Variants in RASIP1 observed in about 807,000 individuals in gnomAD.
The protein encoded by RASIP1 is Ras interacting protein 1.
RASIP1 carries 20 observed loss-of-function variants against 85.3 expected under a neutral mutation model. The observed-to-expected ratio is 0.23, with a 90% CI of 0.17 to 0.34. RASIP1 has a LOEUF of 0.34. Ranked by LOEUF, RASIP1 falls within the 10% of genes least tolerant of loss-of-function variation. RASIP1 has a pLI of 1.00. For missense variants in RASIP1, 1,170 were observed against 1,390.9 expected, an observed-to-expected ratio of 0.84 and a Z score of 2.53; for synonymous variants, 617 against 647.1, an observed-to-expected ratio of 0.95 and a Z score of 0.71.
In RASIP1 at chr19:48,735,501, ACGC is replaced by A. The variant is rs764023794; in HGVS notation, c.871_873del (p.Ala291del). The A allele has an allele frequency of 6.4e-7, 1 of 1,554,072 alleles. No homozygotes were observed. The highest frequency in any genetic ancestry group is 8.7e-7 in the Non-Finnish European group (1 of 1,148,786). Reference sequence around the variant, plus strand: ...GGACTGGCCAGCGCTGCCCCACCCGACGCCGCCCGGGAGCGGTTCTTCTGTGGC... The same window carrying A: ...GGACTGGCCAGCGCTGCCCCACCCGACGCCCGGGAGCGGTTCTTCTGTGGC... On this transcript the variant is annotated inframe_deletion, in exon 4 of 12. Coordinates refer to ENST00000222145, the MANE Select transcript of RASIP1 (RefSeq NM_017805.3).
chr19:48,740,043 A>G lies in RASIP1; in HGVS notation c.137+103T>C, dbSNP rs1477310301. 1.2e-5 allele frequency: 17 copies of G among 1,409,516 alleles called. No homozygotes were observed. Among genetic ancestry groups the G allele is most frequent in the Non-Finnish European group, 1.5e-5 (16 of 1,068,864 alleles). 87.3% of individuals were successfully genotyped at this position (1,409,516 alleles called of 1,614,324 possible). ...GCCCACCAGCTCGTTTGCCCAATTCAGGATGAGGACCGGAGCCAACACTTT... is the reference window on the plus strand; with the variant it reads ...GCCCACCAGCTCGTTTGCCCAATTCGGGATGAGGACCGGAGCCAACACTTT... On this transcript the variant is annotated intron_variant, in intron 2 of 11. Coordinates refer to ENST00000222145, the MANE Select transcript of RASIP1 (RefSeq NM_017805.3). The surrounding 1 kb of genome is among the most constrained non-coding windows in gnomAD (Gnocchi z 5.5).
chr19:48,734,288 C>A (rs1265963005), intron 4 of RASIP1, among the ~76,000 whole-genome samples: 1 of 150,950 alleles, frequency 6.6e-6, no homozygotes, highest in Non-Finnish European at 1.5e-5. Flanking sequence ...GAGAGAGACT[C>A]CGACAAAAAA....
intron 5 of RASIP1, 97 bp from the exon 6 acceptor site, chr19:48,727,527 G>C (rs530104163): frequency 1.5e-5 from 19 of 1,309,290 alleles, no homozygotes; most frequent in Non-Finnish European, 2.1e-5. Flanking sequence ...CTCTCATAGA[G>C]ACTGGTCCTA....
chr19:48,739,562 G>T lies in RASIP1; in HGVS notation c.221C>A (p.Ala74Asp). The T allele has an allele frequency of 1.3e-6, 2 of 1,511,328 alleles. No individual in the cohort carries two copies. The highest frequency in any genetic ancestry group is 1.8e-6 in the Non-Finnish European group (2 of 1,133,808). 93.6% of individuals were successfully genotyped at this position (1,511,328 alleles called of 1,614,324 possible). ...GGAGGCTCCCCCGGCCGCCTTGACA[G>T]CGCCCACTCGCCGCAGCTCCACGTG... is the stretch of plus-strand genomic sequence containing the variant. ...PPHVELRRVG[A>D]VKAAGGASGS... is the part of the protein sequence containing the mutation. Residue 74 changes from alanine to aspartate, a missense_variant, in exon 3 of 12, where the codon GCT becomes GAT. Ala to Asp is a moderately radical substitution (Grantham distance 126, BLOSUM62 -2). Transcript: ENST00000222145. This position sits in a 1 kb window ranked among gnomAD's most constrained non-coding sequence, Gnocchi z 9.2.
Position 48,739,696 on chromosome 19 carries a change from C to T in RASIP1, c.138-51G>A, listed in dbSNP as rs1157964630. On this transcript the variant is annotated intron_variant, in intron 2 of 11. Transcript: ENST00000222145. The surrounding 1 kb of genome is among the most constrained non-coding windows in gnomAD (Gnocchi z 9.2). ...CGCGGGAGAGAGACCCAGGACGACA[C>T]GCCAAGACGGGGGTGGGGGCATATT... 4 of 1,351,326 alleles carry T rather than the reference C, an allele frequency of 3.0e-6. No homozygotes were observed. Among genetic ancestry groups the T allele is most frequent in the Non-Finnish European group, 3.8e-6 (4 of 1,052,788 alleles). The allele number at this position is 1,351,326 out of a possible 1,614,324, so 83.7% of individuals were successfully genotyped here.
Position 48,739,753 on chromosome 19 carries a change from G to A in RASIP1, c.138-108C>T. 1.1e-6 allele frequency: 1 copy of A among 902,740 alleles called. No homozygotes were observed. Among genetic ancestry groups the A allele is most frequent in the Non-Finnish European group, 1.4e-6 (1 of 720,024 alleles). The allele number at this position is 902,740 out of a possible 1,614,324, so 55.9% of individuals were successfully genotyped here. On this transcript the variant is annotated intron_variant, in intron 2 of 11. Transcript: ENST00000222145. This position sits in a 1 kb window ranked among gnomAD's most constrained non-coding sequence, Gnocchi z 9.2. ...GAAGTGGGCAGAGACCCAGAGGGAG[G>A]ACAGGGACCCAGGGTGGATGGACGG...
chr19:48,735,186 C>T lies in RASIP1; in HGVS notation c.1179+10G>A, dbSNP rs1428233419. 5 of 1,597,792 alleles carry T rather than the reference C, an allele frequency of 3.1e-6. No homozygotes were observed. The highest frequency in any genetic ancestry group is 1.7e-5 in the Admixed American group (1 of 59,266). ...GGGCTCTGGGCGTGCGGGGCTGGGG[C>T]GGCGGTTACCTGGGCGTCCTGGTAG... is the stretch of plus-strand genomic sequence containing the variant. On this transcript the variant is annotated intron_variant, in intron 4 of 11. Transcript: ENST00000222145.
At position 48,739,719 on chromosome 19, in the gene RASIP1, A is replaced by T; in HGVS notation, c.138-74T>A. The stretch of plus-strand genomic sequence containing the variant: ...CACGCCAAGACGGGGGTGGGGGCAT[A>T]TTAGGAGGGAAGTGGGCAGAGACCC... On this transcript the variant is annotated intron_variant, in intron 2 of 11. Transcript: ENST00000222145. This position sits in a 1 kb window ranked among gnomAD's most constrained non-coding sequence, Gnocchi z 9.2. 1 of 1,096,952 alleles carries T rather than the reference A, an allele frequency of 9.1e-7. No homozygotes were observed. 68.0% of individuals were successfully genotyped at this position (1,096,952 alleles called of 1,614,324 possible).
chr19:48,725,184 C>T (rs932626151), intron 8 of RASIP1: 24 of 529,312 alleles, frequency 4.5e-5, no homozygotes, highest in African/African-American at 4.4e-4. Flanking sequence ...CATTGTGGGA[C>T]TTGTAGTTCT....
Position 48,727,727 on chromosome 19 carries a change from C to T in RASIP1, c.1834-297G>A, listed in dbSNP as rs548721172. 2.9e-3 allele frequency among the ~76,000 whole-genome samples: 418 copies of T among 143,894 alleles called. 1 individual carries two copies. Among genetic ancestry groups the T allele is most frequent in the Non-Finnish European group, 4.8e-3 (323 of 66,690 alleles). The allele number at this position is 143,894 out of a possible 152,430, so 94.4% of individuals were successfully genotyped here. On this transcript the variant is annotated intron_variant, in intron 5 of 11. Coordinates refer to ENST00000222145, the MANE Select transcript of RASIP1 (RefSeq NM_017805.3). ...TTGAGATGGAGTTACCCTGTTGTTG[C>T]CCAGGCTGGGGTGCAATGGCTCAAT...
chr19:48,726,732 G>C (rs1449552758), intron 8 of RASIP1, 53 bp downstream of exon 8: 1 of 1,369,400 alleles, frequency 7.3e-7, no homozygotes, highest in Non-Finnish European at 1.0e-6. Flanking sequence ...GTGATATTAC[G>C]TGAAACAGGA....
Position 48,735,557 on chromosome 19 carries a change from G to A in RASIP1, c.824-6C>T. ...CCACGAAGGGGCGCCGGTGCCTGCG[G>A]AGAGATGGAGAACAGTGAGGCTGAG... is the stretch of plus-strand genomic sequence containing the variant. On this transcript the variant is annotated splice_polypyrimidine_tract_variant and splice_region_variant and intron_variant, in intron 3 of 11. Coordinates refer to ENST00000222145, the MANE Select transcript of RASIP1 (RefSeq NM_017805.3). 1.3e-6 allele frequency: 2 copies of A among 1,527,744 alleles called. No homozygotes were observed. The highest frequency in any genetic ancestry group is 4.9e-5 in the East Asian group (2 of 40,658). The allele number at this position is 1,527,744 out of a possible 1,614,324, so 94.6% of individuals were successfully genotyped here.
At position 48,737,881 on chromosome 19, in the gene RASIP1, T is replaced by C. The variant is rs923900334; in HGVS notation, c.823+1079A>G. On this transcript the variant is annotated intron_variant, in intron 3 of 11. Transcript: ENST00000222145. The stretch of plus-strand genomic sequence containing the variant: ...CGCTCCCAAGAACATTGTCCGTGCT[T>C]ACTCTTCCGGCTCCTAGGTCTCCAA... 21 of 985,282 alleles carry C rather than the reference T, an allele frequency of 2.1e-5. No individual in the cohort carries two copies. In the African/African-American group the frequency reaches 3.7e-4, roughly 17 times the overall value. 61.0% of individuals were successfully genotyped at this position (985,282 alleles called of 1,614,324 possible).
Position 48,726,871 on chromosome 19 carries a change from C to A in RASIP1, c.2041G>T (p.Asp681Tyr). The change falls in exon 8 of 12, where the codon GAC (aspartate) becomes TAC (tyrosine). Residue 681 changes from aspartate (D) to tyrosine (Y), a missense_variant. Around this residue, in one of 4 missense-constraint regions of RASIP1, gnomAD observed 426 missense variants for 576.2 expected, o/e 0.74. Transcript: ENST00000222145. ...ADQEDPQLCN[D>Y]LELCDEAMAL... The stretch of plus-strand genomic sequence containing the variant: ...ATGGCCTCATCACATAATTCCAAGT[C>A]ATTGCAGAGCTGTGGGTCTGAGGAC... 2 of 1,613,754 alleles carry A rather than the reference C, an allele frequency of 1.2e-6. No individual in the cohort carries two copies. The highest frequency in any genetic ancestry group is 2.2e-5 in the South Asian group (2 of 90,976).
At position 48,738,970 on chromosome 19, in the gene RASIP1, C is replaced by T; in HGVS notation, c.813G>A (p.Ala271=). 1 of 1,218,754 alleles carries T rather than the reference C, an allele frequency of 8.2e-7. No homozygotes were observed. Among genetic ancestry groups the T allele is most frequent in the Non-Finnish European group, 1.0e-6 (1 of 980,842 alleles). 75.5% of individuals were successfully genotyped at this position (1,218,754 alleles called of 1,614,324 possible). A position where few individuals can be genotyped will look rare whatever the true frequency, so the allele number is the denominator to read the frequency against. The change falls in exon 3 of 12, where the codon GCG becomes GCA. Residue 271 remains alanine (A), a synonymous_variant. Transcript: ENST00000222145. This position sits in a 1 kb window ranked among gnomAD's most constrained non-coding sequence, Gnocchi z 4.0. Reference sequence around the variant, plus strand: ...CCGCCCGCCGCTCACCTTCGCTGTCCGCGGCCCCGAAGGCCTCCTGCTCCA... The same window carrying T: ...CCGCCCGCCGCTCACCTTCGCTGTCTGCGGCCCCGAAGGCCTCCTGCTCCA... ...RRLEQEAFGA[A]DSEGTGAPSW... is the part of the protein sequence containing the mutation.
Position 48,724,673 on chromosome 19 carries a change from G to A in RASIP1, c.2371+44C>T. Reference sequence around the variant, plus strand: ...TGTCTAATATGACCTGAGTCTCAGTGGCTCCTGTCTTTGCCTCCCTGACAG... The same window carrying A: ...TGTCTAATATGACCTGAGTCTCAGTAGCTCCTGTCTTTGCCTCCCTGACAG... On this transcript the variant is annotated intron_variant, in intron 9 of 11. Coordinates refer to ENST00000222145, the MANE Select transcript of RASIP1 (RefSeq NM_017805.3). This position sits in a 1 kb window ranked among gnomAD's most constrained non-coding sequence, Gnocchi z 4.6. 1 of 1,610,252 alleles carries A rather than the reference G, an allele frequency of 6.2e-7. No individual in the cohort carries two copies.
At chr19:48,736,772 C>T (rs547581947) in intron 3 of RASIP1, among the ~76,000 whole-genome samples, 2 of 152,304 alleles carry the variant, frequency 1.3e-5, no homozygotes, top group South Asian at 4.2e-4. Flanking sequence ...CGGTGGCTCA[C>T]GCCTGTAATC....
At chr19:48,728,896 G>C in intron 5 of RASIP1, 41 bp downstream of exon 5, 1 of 1,415,740 alleles carries the variant, frequency 7.1e-7, no homozygotes, top group Non-Finnish European at 9.1e-7. Flanking sequence ...GAAGGGACTT[G>C]GGGCGCTGGT....
At chr19:48,737,286 G>C (rs1353406227) in intron 3 of RASIP1, among the ~76,000 whole-genome samples, 1 of 152,192 alleles carries the variant, frequency 6.6e-6, no homozygotes, top group African/African-American at 2.4e-5. Context: ...TCAAACCCCA[G>C]TTCAAAGCCC....
Sources: allele counts gnomAD v4.1 joint callset (sites outside exome capture counted in the v4.1 genomes callset), GRCh38; gene constraint gnomAD v4.1.1; regional missense constraint gnomAD v4.1.1; non-coding constraint Gnocchi (gnomAD v3.1); transcripts MANE v1.5; gene names NCBI Gene and HGNC (gene_info 2026-07-23, HGNC 2026-07-21).